The following FTO variants were observed in gnomAD, a reference collection of about 807,000 sequenced individuals.
FTO encodes the protein FTO alpha-ketoglutarate dependent dioxygenase, also known as alpha-ketoglutarate-dependent dioxygenase FTO.
Under a neutral mutation model 63.9 loss-of-function variants are expected in FTO, and 47 were observed. The ratio of observed to expected loss-of-function variants is 0.74; its 90% CI spans 0.58 to 0.94. The LOEUF (loss-of-function observed/expected upper bound fraction) is 0.94, where lower values mean the gene tolerates loss of function less well. Among genes scored for constraint, FTO ranks in the 40% least tolerant of loss-of-function variants. The probability of loss-of-function intolerance (pLI) is 0.00; values close to 1 mark genes in which losing one functional copy is unlikely to be tolerated. For synonymous variants in FTO, 207 were observed against 224.4 expected (o/e 0.92, Z 0.69); for missense variants, 562 against 618.1 (o/e 0.91, Z 0.96).
intron 1 of FTO, among the ~76,000 whole-genome samples, chr16:53,797,454 A>T (rs2078106044): frequency 6.6e-6 from 1 of 152,090 alleles, no homozygotes; most frequent in Admixed American, 6.5e-5. Context: ...CAGCATTGTG[A>T]TTTTGAGATC....
chr16:53,728,695 A>G (rs2076204990), intron 1 of FTO, among the ~76,000 whole-genome samples: 1 of 152,028 alleles, frequency 6.6e-6, no homozygotes. Flanking sequence ...CCAGCAGAGA[A>G]CTGTTTGAAG....
intron 8 of FTO, among the ~76,000 whole-genome samples, chr16:54,024,937 T>C (rs2084681632): frequency 6.6e-6 from 1 of 152,250 alleles, no homozygotes; most frequent in Non-Finnish European, 1.5e-5. Context: ...AACTTCTGTA[T>C]TTAATGAAAA....
At chr16:53,971,412 TG>T (rs1392390225) in intron 8 of FTO, among the ~76,000 whole-genome samples, 1 of 152,252 alleles carries the variant, frequency 6.6e-6, no homozygotes, top group Non-Finnish European at 1.5e-5. Flanking sequence ...CATTTATCCT[TG>T]AAGCATTATT....
At chr16:53,734,039 T>C (rs1450381889) in intron 1 of FTO, among the ~76,000 whole-genome samples, 1 of 152,214 alleles carries the variant, frequency 6.6e-6, no homozygotes, top group Non-Finnish European at 1.5e-5. Context: ...AATCAACTCA[T>C]GACAAAACGT....
At chr16:53,987,957 C>T (rs554515919) in intron 8 of FTO, among the ~76,000 whole-genome samples, 16 of 152,260 alleles carry the variant, frequency 1.1e-4, no homozygotes, top group Admixed American at 7.9e-4. Context: ...AGTAAGCCCC[C>T]CAGATACCCC....
chr16:53,820,798 G>A lies in FTO; in HGVS notation c.124-5066G>A, dbSNP rs568433519. Among the ~76,000 whole-genome samples the A allele has an allele frequency of 3.9e-5, 6 of 152,218 alleles. No homozygotes were observed. The East Asian group carries it at 5.8e-4, about 15-fold the overall frequency. On this transcript the variant is annotated intron_variant, in intron 2 of 8. Coordinates refer to ENST00000471389, the MANE Select transcript of FTO (RefSeq NM_001080432.3). ...CCAGTTTCATCCATGTCCAGGAAAG[G>A]TTTCTATAAGAAAATGACCCAGGGA...
intron 2 of FTO, among the ~76,000 whole-genome samples, chr16:53,823,344 C>G (rs963119708): frequency 2.6e-5 from 4 of 152,146 alleles, no homozygotes; most frequent in African/African-American, 9.7e-5. Context: ...CAGGAAATAG[C>G]TTTGGTCTCC....
chr16:53,995,205 G>A (rs184317425), intron 8 of FTO, among the ~76,000 whole-genome samples: 59 of 152,264 alleles, frequency 3.9e-4, no homozygotes, highest in African/African-American at 1.3e-3. Context: ...TGATTGTCTC[G>A]TTCACCAAAC....
chr16:53,860,881 A>AACACACAC (rs35826323), intron 4 of FTO, among the ~76,000 whole-genome samples: 1,563 of 145,810 alleles, frequency 0.011, 26 homozygotes, highest in African/African-American at 0.036. Context: ...AAATGTTTTT[A>AACACACAC]ACACACACAC....
At chr16:54,055,878 G>A (rs530757215) in intron 8 of FTO, among the ~76,000 whole-genome samples, 32 of 152,288 alleles carry the variant, frequency 2.1e-4, no homozygotes, top group African/African-American at 7.2e-4. Flanking sequence ...TGTCTCTACC[G>A]ATGGCTTGTT....
intron 7 of FTO, among the ~76,000 whole-genome samples, chr16:53,907,980 A>G (rs890518887): frequency 2.0e-5 from 3 of 152,210 alleles, no homozygotes; most frequent in Non-Finnish European, 4.4e-5. Context: ...AGAGTTTGAG[A>G]GTACTTACCT....
At chr16:54,032,910 C>G (rs2084863861) in intron 8 of FTO, among the ~76,000 whole-genome samples, 1 of 151,936 alleles carries the variant, frequency 6.6e-6, no homozygotes. Flanking sequence ...CTCCCCTCCA[C>G]TCGATCTCTC....
intron 8 of FTO, among the ~76,000 whole-genome samples, chr16:53,985,534 A>G (rs1420938633): frequency 1.3e-5 from 2 of 152,254 alleles, no homozygotes; most frequent in Admixed American, 6.5e-5. Flanking sequence ...TGCTGAGATT[A>G]GAGCACTGTG....
At chr16:53,856,823 T>C (rs1050370176) in intron 4 of FTO, among the ~76,000 whole-genome samples, 3 of 152,094 alleles carry the variant, frequency 2.0e-5, no homozygotes, top group Non-Finnish European at 4.4e-5. Context: ...TACAAAGATA[T>C]AAATCATAGT....
intron 8 of FTO, among the ~76,000 whole-genome samples, chr16:54,049,141 G>C (rs774668605): frequency 8.5e-5 from 13 of 152,148 alleles, no homozygotes; most frequent in Non-Finnish European, 1.9e-4. Context: ...CAGATGCCAG[G>C]TTATTTGTGA....
At chr16:53,858,032 A>G (rs1489758987) in intron 4 of FTO, among the ~76,000 whole-genome samples, 1 of 152,192 alleles carries the variant, frequency 6.6e-6, no homozygotes, top group Non-Finnish European at 1.5e-5. Flanking sequence ...ACAACATGAT[A>G]TTAATTTTAT....
intron 1 of FTO, among the ~76,000 whole-genome samples, chr16:53,758,362 C>G (rs2076971269): frequency 6.6e-6 from 1 of 152,162 alleles, no homozygotes; most frequent in Non-Finnish European, 1.5e-5. Flanking sequence ...TAGACCATAT[C>G]TACAGGCTGG....
intron 8 of FTO, among the ~76,000 whole-genome samples, chr16:54,101,874 T>C (rs777395067): frequency 7.2e-5 from 11 of 152,228 alleles, no homozygotes; most frequent in Non-Finnish European, 8.8e-5. Flanking sequence ...TGTGAGATGA[T>C]ATCTCATTGT....
In FTO at chr16:54,118,882, C is replaced by G. The variant is rs946371879; in HGVS notation, c.*6967C>G. ...GCTTTGTAAATGCTAAAGTCCTACT[C>G]AAGTCCAAGGGAGAGAAATTATTAT... On this transcript the variant is annotated 3_prime_UTR_variant, in exon 9 of 9. Coordinates refer to ENST00000471389, the MANE Select transcript of FTO (RefSeq NM_001080432.3). The G allele has an allele frequency of 6.6e-5, 10 of 152,188 alleles. No individual in the cohort carries two copies. The highest frequency in any genetic ancestry group is 2.4e-4 in the African/African-American group (10 of 41,448). The allele number at this position is 152,188 out of a possible 1,614,324, so 9.4% of individuals were successfully genotyped here.
Sources: gnomAD v4.1 joint callset for allele counts (sites outside exome capture counted in the v4.1 genomes callset) on GRCh38, gnomAD v4.1.1 for gene constraint, MANE v1.5 for transcripts, NCBI Gene and HGNC (gene_info 2026-07-23, HGNC 2026-07-21) for gene names.